The following SLC16A3 variants were observed in gnomAD, a reference collection of about 807,000 sequenced individuals.
SLC16A3 encodes monocarboxylate transporter 4.
A neutral mutation model predicts 25.0 loss-of-function variants in SLC16A3; 22 were observed. The observed-to-expected ratio is 0.88, with a 90% CI of 0.63 to 1.26. The LOEUF is 1.26. SLC16A3 is among the 50% of genes most tolerant of loss of function. SLC16A3 has a pLI of 0.00. For synonymous variants in SLC16A3, 390 were observed against 309.2 expected, an observed-to-expected ratio of 1.26 and a Z score of -2.74; for missense variants, 731 against 666.6, an observed-to-expected ratio of 1.10 and a Z score of -1.06.
chr17:82,232,491 C>G (rs1020053162), intron 1 of SLC16A3: 2 of 152,410 alleles, frequency 1.3e-5, no homozygotes, highest in East Asian at 3.8e-4. Context: ...AGGTTCAGGA[C>G]CCTCTGTGCA....
intron 4 of SLC16A3, 92 bp from the exon 5 acceptor site, chr17:82,238,610 G>T (rs905697155): frequency 1.5e-6 from 2 of 1,324,058 alleles, no homozygotes; most frequent in Non-Finnish European, 2.0e-6. Flanking sequence ...TGACCCTTGC[G>T]TGCTGAGACA....
At chr17:82,238,346 C>T (rs1397180629) in intron 4 of SLC16A3, among the ~76,000 whole-genome samples, 2 of 152,110 alleles carry the variant, frequency 1.3e-5, no homozygotes, top group Non-Finnish European at 2.9e-5. Context: ...GTCTTGGAGT[C>T]CGCGGTGGCC....
rs1439199887 is a variant in SLC16A3 at position 82,239,035 on chromosome 17, A to G, written c.*59A>G. The G allele has an allele frequency of 2.2e-5, 32 of 1,466,246 alleles. 1 individual carries two copies. Among genetic ancestry groups the G allele is most frequent in the Non-Finnish European group, 5.4e-6 (6 of 1,101,858 alleles). 90.8% of individuals were successfully genotyped at this position (1,466,246 alleles called of 1,614,324 possible). ...GGTACAGAAGCCGGCAACGCTTGCT[A>G]TTTATTTTACAAACTGGACTGGCTC... On this transcript the variant is annotated 3_prime_UTR_variant, in exon 5 of 5. Transcript: ENST00000582743.
At position 82,239,935 on chromosome 17, in the gene SLC16A3, G is replaced by T; in HGVS notation, c.*959G>T. The T allele has an allele frequency of 8.6e-7, 1 of 1,159,980 alleles. No homozygotes were observed. Among genetic ancestry groups the T allele is most frequent in the Non-Finnish European group, 1.1e-6 (1 of 920,724 alleles). 71.9% of individuals were successfully genotyped at this position (1,159,980 alleles called of 1,614,324 possible). On this transcript the variant is annotated 3_prime_UTR_variant, in exon 5 of 5. Coordinates refer to ENST00000582743, the MANE Select transcript of SLC16A3 (RefSeq NM_004207.4). ...CCACCTGCCCTCGTGGCCAGCAGTG[G>T]CCTGCGTGGCTGGGAGCCCGGTCAG... is the stretch of plus-strand genomic sequence containing the variant.
At chr17:82,218,303 C>T (rs56230680) in intron 1 of SLC16A3, among the ~76,000 whole-genome samples, 1 of 14,508 alleles carries the variant, frequency 6.9e-5, no homozygotes, top group Non-Finnish European at 1.3e-4. Context: ...TCGGTCACTG[C>T]GGGGTGGACG....
At chr17:82,227,558 G>A (rs375023749), upstream of SLC16A3, among the ~76,000 whole-genome samples, 190 of 141,414 alleles carry the variant, frequency 1.3e-3, 2 homozygotes, top group African/African-American at 5.6e-3. Context: ...GAATCGCCTG[G>A]TGCAGGAAGA....
intron 1 of SLC16A3, among the ~76,000 whole-genome samples, chr17:82,232,920 G>GGC (rs1555787470): frequency 7.0e-6 from 1 of 142,960 alleles, no homozygotes; most frequent in African/African-American, 2.8e-5. Context: ...GGGGGCGGCG[G>GGC]GGGGGGGGTT....
intron 3 of SLC16A3, 126 bp from the exon 4 acceptor site, chr17:82,237,012 G>A (rs1440615865): frequency 2.1e-6 from 3 of 1,455,748 alleles, no homozygotes; most frequent in South Asian, 2.7e-5. Context: ...TCCCCCTCTC[G>A]AGTGGGTGGG....
chr17:82,219,951 A>G (rs1277435029), intron 1 of SLC16A3, among the ~76,000 whole-genome samples: 1 of 152,102 alleles, frequency 6.6e-6, no homozygotes, highest in African/African-American at 2.4e-5. Flanking sequence ...GACACAGGGC[A>G]GGTGGAGCAG....
At chr17:82,229,721 G>A (rs966007927) in intron 1 of SLC16A3, 1 of 152,320 alleles carries the variant, frequency 6.6e-6, no homozygotes, top group African/African-American at 2.4e-5. Context: ...CCCAGCTCGT[G>A]GGAAAACCAG....
chr17:82,238,457 C>G lies in SLC16A3; in HGVS notation c.1124-245C>G, dbSNP rs73366218. Among the ~76,000 whole-genome samples, 421 of 152,286 alleles carry G rather than the reference C, an allele frequency of 2.8e-3. 3 individuals carry two copies. The highest frequency in any genetic ancestry group is 9.7e-3 in the African/African-American group (405 of 41,564). On this transcript the variant is annotated intron_variant, in intron 4 of 4. Coordinates refer to ENST00000582743, the MANE Select transcript of SLC16A3 (RefSeq NM_004207.4). Reference sequence around the variant, plus strand: ...GACCAGCGTGACTCCTGCCACCAACCGAAACCCAAACTCCACAAAGCCATT... The same window carrying G: ...GACCAGCGTGACTCCTGCCACCAACGGAAACCCAAACTCCACAAAGCCATT...
intron 1 of SLC16A3, among the ~76,000 whole-genome samples, chr17:82,219,826 C>T (rs1014766853): frequency 2.0e-5 from 3 of 152,142 alleles, no homozygotes; most frequent in African/African-American, 7.2e-5. Context: ...CTTGACTCCT[C>T]TCCTTCCACA....
chr17:82,236,917 G>C (rs770567407), intron 3 of SLC16A3, 45 bp downstream of exon 3: 1 of 1,595,062 alleles, frequency 6.3e-7, no homozygotes, highest in African/African-American at 1.3e-5. Flanking sequence ...GGAGGGGCAG[G>C]GGCCGTGCAC....
chr17:82,226,748 G>A (rs2050424578), upstream of SLC16A3, among the ~76,000 whole-genome samples: 1 of 152,096 alleles, frequency 6.6e-6, no homozygotes, highest in South Asian at 2.1e-4. Flanking sequence ...GGTACCTCAT[G>A]CTACCGGAGT....
chr17:82,224,907 G>A (rs1053683474), upstream of SLC16A3, among the ~76,000 whole-genome samples: 1 of 152,136 alleles, frequency 6.6e-6, no homozygotes, highest in African/African-American at 2.4e-5. Context: ...TGGTGGGTCA[G>A]GCCCCACTGG....
intron 4 of SLC16A3, 117 bp downstream of exon 4, chr17:82,238,010 G>A: frequency 8.0e-7 from 1 of 1,245,786 alleles, no homozygotes; most frequent in Non-Finnish European, 1.1e-6. Flanking sequence ...ACTCAGAGCT[G>A]GAGGGGGTGC....
chr17:82,236,236 G>GGGT lies in SLC16A3; in HGVS notation c.223+8_223+10dup. 6.2e-7 allele frequency: 1 copy of GGGT among 1,612,130 alleles called. No individual in the cohort carries two copies. Among genetic ancestry groups the GGGT allele is most frequent in the Non-Finnish European group, 8.5e-7 (1 of 1,179,412 alleles). On this transcript the variant is annotated splice_donor_region_variant and intron_variant, in intron 2 of 4. Coordinates refer to ENST00000582743, the MANE Select transcript of SLC16A3 (RefSeq NM_004207.4). Reference sequence around the variant, plus strand: ...TGGCCATGCTCTACGGGACAGGTGAGGGTGGCCTCACACCGGGCCCCCTGT... The same window carrying GGGT: ...TGGCCATGCTCTACGGGACAGGTGAGGGTGGTGGCCTCACACCGGGCCCCCTGT...
intron 1 of SLC16A3, among the ~76,000 whole-genome samples, chr17:82,219,192 C>T (rs1363848622): frequency 6.6e-6 from 1 of 152,044 alleles, no homozygotes; most frequent in Non-Finnish European, 1.5e-5. Context: ...AAGAGGAGGA[C>T]ACCCGGGACC....
In SLC16A3 at chr17:82,239,526, C is replaced by T. The variant is rs894252020; in HGVS notation, c.*550C>T. On this transcript the variant is annotated 3_prime_UTR_variant, in exon 5 of 5. Coordinates refer to ENST00000582743, the MANE Select transcript of SLC16A3 (RefSeq NM_004207.4). ...GTGGTTTTGCTGTGTGGCCTGTGTC[C>T]TGACTCGCACGTCTGCTGATGGCCT... The T allele has an allele frequency of 1.7e-5, 3 of 175,652 alleles. No individual in the cohort carries two copies. The highest frequency in any genetic ancestry group is 7.1e-5 in the African/African-American group (3 of 42,420). 10.9% of individuals were successfully genotyped at this position (175,652 alleles called of 1,614,324 possible). A position where few individuals can be genotyped will look rare whatever the true frequency, so the allele number is the denominator to read the frequency against.
Sources: allele counts gnomAD v4.1 joint callset (sites outside exome capture counted in the v4.1 genomes callset), GRCh38; gene constraint gnomAD v4.1.1; transcripts MANE v1.5; gene names NCBI Gene and HGNC (gene_info 2026-07-23, HGNC 2026-07-21).